LOXHD1: variants seen among roughly 807,000 people sequenced by gnomAD.
LOXHD1 encodes the protein lipoxygenase homology domain-containing protein 1.
Under a neutral mutation model 248.2 loss-of-function variants are expected in LOXHD1, and 205 were observed. The observed-to-expected ratio is 0.83, with a 90% CI of 0.74 to 0.93. LOXHD1 has a LOEUF of 0.93. Ranked by LOEUF, LOXHD1 falls within the 40% of genes least tolerant of loss-of-function variation. LOXHD1 has a pLI of 0.00. For synonymous variants in LOXHD1, 1,113 were observed against 1,162.8 expected (o/e 0.96, Z 0.87); for missense variants, 2,930 against 2,971.6 (o/e 0.99, Z 0.33).
At position 46,591,965 on chromosome 18, in the gene LOXHD1, G is replaced by T; in HGVS notation, c.1622C>A (p.Ala541Glu). The change falls in exon 12 of 41, where the codon GCA (alanine) becomes GAA (glutamate). Residue 541 changes from alanine (A) to glutamate (E), a missense_variant. Physicochemically the swap from Ala to Glu is moderately radical, Grantham distance 107. Coordinates refer to ENST00000642948, the MANE Select transcript of LOXHD1 (RefSeq NM_001384474.1). ...DDNEIVREMTAEGPTVRRIMG... is the reference protein window; with the variant it reads ...DDNEIVREMTEEGPTVRRIMG... ...GATCCTGCGCACTGTTGGGCCTTCTGCAGTCATTTCCCTCACTATCTCATT... is the reference window on the plus strand; with the variant it reads ...GATCCTGCGCACTGTTGGGCCTTCTTCAGTCATTTCCCTCACTATCTCATT... The T allele has an allele frequency of 6.4e-7, 1 of 1,551,950 alleles. No individual in the cohort carries two copies. Among genetic ancestry groups the T allele is most frequent in the East Asian group, 2.4e-5 (1 of 40,920 alleles).
chr18:46,493,366 CT>C (rs1422223404), intron 37 of LOXHD1, among the ~76,000 whole-genome samples: 1 of 152,236 alleles, frequency 6.6e-6, no homozygotes, highest in African/African-American at 2.4e-5. Context: ...ACTTCACAAT[CT>C]GAAATAAGTT....
intron 4 of LOXHD1, among the ~76,000 whole-genome samples, chr18:46,623,271 G>A (rs80220231): frequency 0.13 from 20,245 of 152,150 alleles, 1,497 homozygotes; most frequent in East Asian, 0.34. Flanking sequence ...TTACATAGTC[G>A]CATTTGTGCA....
chr18:46,640,442 T>C (rs2038948951), intron 3 of LOXHD1, among the ~76,000 whole-genome samples: 1 of 152,180 alleles, frequency 6.6e-6, no homozygotes, highest in African/African-American at 2.4e-5. Flanking sequence ...TATGGCCATC[T>C]AGACCAGGGT....
chr18:46,566,954 T>C (rs1381915836), intron 16 of LOXHD1, among the ~76,000 whole-genome samples: 1 of 152,206 alleles, frequency 6.6e-6, no homozygotes, highest in Non-Finnish European at 1.5e-5. Flanking sequence ...GCAGGCAACC[T>C]CTCAGGACTC....
At chr18:46,567,678 A>T (rs1266377383) in intron 16 of LOXHD1, among the ~76,000 whole-genome samples, 3 of 152,230 alleles carry the variant, frequency 2.0e-5, no homozygotes, top group Non-Finnish European at 4.4e-5. Context: ...TTTACTCAGC[A>T]CTTAGTATGA....
In LOXHD1 at chr18:46,533,221, T is replaced by G; in HGVS notation, c.4316A>C (p.Lys1439Thr). ...CCGTAAGGACCCATCTTTCATGTATTTCTCAGTGAAGATGTCATATGGAAC... is the reference window on the plus strand; with the variant it reads ...CCGTAAGGACCCATCTTTCATGTATGTCTCAGTGAAGATGTCATATGGAAC... ...ELVPYDIFTE[K>T]YMKDGSLRQV... The change falls in exon 28 of 41, where the codon AAA becomes ACA. Residue 1439 changes from lysine (K) to threonine (T), a missense_variant. Transcript: ENST00000642948. The G allele has an allele frequency of 6.4e-7, 1 of 1,551,760 alleles. No homozygotes were observed. The highest frequency in any genetic ancestry group is 8.7e-7 in the Non-Finnish European group (1 of 1,147,002).
Position 46,594,417 on chromosome 18 carries a change from C to G in LOXHD1, c.1184G>C (p.Ser395Thr). The change falls in exon 9 of 41, where the codon AGC becomes ACC. Residue 395 changes from serine (S) to threonine (T), a missense_variant. Transcript: ENST00000642948. ...CGCTTTCTTCTCATCCAGCCAGTTGCTACAAGGGAAGGTCTGCTGGATACC... is the reference window on the plus strand; with the variant it reads ...CGCTTTCTTCTCATCCAGCCAGTTGGTACAAGGGAAGGTCTGCTGGATACC... Reference protein sequence around the residue: ...FTGIQQTFPCSNWLDEKKADG... With the variant: ...FTGIQQTFPCTNWLDEKKADG... 1.3e-6 allele frequency: 2 copies of G among 1,551,664 alleles called. No individual in the cohort carries two copies. The highest frequency in any genetic ancestry group is 1.7e-6 in the Non-Finnish European group (2 of 1,146,988).
Position 46,522,247 on chromosome 18 carries a change from CTCGGCTGTCAG to C in LOXHD1, c.4928_4938del (p.Thr1643SerfsTer10). On this transcript the variant is annotated frameshift_variant, in exon 32 of 41. Transcript: ENST00000642948. LOFTEE classifies it high-confidence loss of function. ...TCCTCCCCGATGAGAAAGATGAAGG[CTCGGCTGTCAG>C]TGGCCGCGTCCTTGTGCTTCCCAGT... 6.4e-7 allele frequency: 1 copy of C among 1,551,874 alleles called. No homozygotes were observed. Among genetic ancestry groups the C allele is most frequent in the Admixed American group, 2.0e-5 (1 of 51,016 alleles).
chr18:46,483,889 C>T (rs2032805958), intron 39 of LOXHD1, 144 bp from the exon 40 acceptor site: 2 of 943,482 alleles, frequency 2.1e-6, no homozygotes, highest in African/African-American at 1.6e-5. Flanking sequence ...GTCCTGGAGG[C>T]TTTGAGGGGT....
intron 5 of LOXHD1, among the ~76,000 whole-genome samples, chr18:46,612,448 G>T (rs1031616811): frequency 1.3e-5 from 2 of 152,072 alleles, no homozygotes; most frequent in African/African-American, 4.8e-5. Flanking sequence ...GTTTTAATTT[G>T]CATTCCCCTG....
chr18:46,477,696 G>T lies in LOXHD1; in HGVS notation c.6598C>A (p.Arg2200=), dbSNP rs775258656. Residue 2200 remains arginine (R), a synonymous_variant, in exon 41 of 41, where the codon CGG becomes AGG. Transcript: ENST00000642948. ...LKQKMRNLFE[R]GSTDRFFLET... Reference sequence around the variant, plus strand: ...AGGAAGAAGCGGTCTGTGCTGCCCCGCTCGAAGAGGTTGCGCATTTTCTGC... The same window carrying T: ...AGGAAGAAGCGGTCTGTGCTGCCCCTCTCGAAGAGGTTGCGCATTTTCTGC... 6.4e-5 allele frequency: 99 copies of T among 1,551,880 alleles called. No individual in the cohort carries two copies. Among genetic ancestry groups the T allele is most frequent in the Non-Finnish European group, 8.5e-5 (98 of 1,147,028 alleles).
intron 37 of LOXHD1, among the ~76,000 whole-genome samples, chr18:46,505,179 A>G (rs557477577): frequency 6.6e-6 from 1 of 151,262 alleles, no homozygotes; most frequent in African/African-American, 2.4e-5. Flanking sequence ...AACAAGCATA[A>G]TCCCTTCTTT....
chr18:46,620,745 G>A (rs983722515), intron 4 of LOXHD1, among the ~76,000 whole-genome samples: 2 of 152,164 alleles, frequency 1.3e-5, no homozygotes, highest in Non-Finnish European at 2.9e-5. Flanking sequence ...AAACGCTAAA[G>A]GTCCTTTTTA....
chr18:46,483,478 C>T, intron 40 of LOXHD1, 109 bp downstream of exon 40: 1 of 1,346,626 alleles, frequency 7.4e-7, no homozygotes, highest in Non-Finnish European at 1.0e-6. Context: ...GTAATCTTGA[C>T]CTTGAAGAAG....
chr18:46,569,420 T>A (rs1374017883), intron 16 of LOXHD1, 22 bp downstream of exon 16: 2 of 1,546,156 alleles, frequency 1.3e-6, no homozygotes, highest in South Asian at 2.4e-5. Flanking sequence ...TGATGTCACA[T>A]GGTCTTGGGA....
At chr18:46,519,164 A>C in intron 33 of LOXHD1, 25 of 905,852 alleles carry the variant, frequency 2.8e-5, no homozygotes, top group Non-Finnish European at 2.9e-5. Flanking sequence ...CTTCCTTCTC[A>C]CCAAGTGCCC....
chr18:46,600,732 C>T (rs660618), intron 8 of LOXHD1, among the ~76,000 whole-genome samples: 28,690 of 152,076 alleles, frequency 0.19, 3,111 homozygotes, highest in Admixed American at 0.28. Context: ...AACTATATGA[C>T]TGTGGAAGGA....
intron 22 of LOXHD1, 74 bp downstream of exon 22, chr18:46,546,821 G>A (rs2036861411): frequency 1.4e-6 from 2 of 1,466,970 alleles, no homozygotes; most frequent in Non-Finnish European, 9.2e-7. Flanking sequence ...AGGGAAGGAA[G>A]ATGGAGACTT....
chr18:46,480,857 T>C (rs1249085246), intron 40 of LOXHD1, among the ~76,000 whole-genome samples: 1 of 152,238 alleles, frequency 6.6e-6, no homozygotes, highest in Non-Finnish European at 1.5e-5. Context: ...CATACGTTTC[T>C]GTATTTGAAT....
Sources: gnomAD v4.1 joint callset for allele counts (sites outside exome capture counted in the v4.1 genomes callset) on GRCh38, gnomAD v4.1.1 for gene constraint, MANE v1.5 for transcripts, NCBI Gene and HGNC (gene_info 2026-07-23, HGNC 2026-07-21) for gene names.